UBR3: variants seen among roughly 807,000 people sequenced by gnomAD.
UBR3 encodes E3 ubiquitin-protein ligase UBR3.
In UBR3, 85 loss-of-function variants were observed where a neutral mutation model predicts 243.2. That is an observed-to-expected ratio of 0.35 (90% CI 0.29 to 0.42). The LOEUF is 0.42. Ranked by LOEUF, UBR3 falls within the 10% of genes least tolerant of loss-of-function variation. The pLI, the probability that UBR3 is intolerant of heterozygous loss-of-function variation, is 1.00. For missense variants in UBR3, 1,686 were observed against 2,300.8 expected (o/e 0.73, Z 5.47); for synonymous variants, 748 against 799.8 (o/e 0.94, Z 1.09).
chr2:169,922,112 A>C (rs2085723634), intron 11 of UBR3, among the ~76,000 whole-genome samples: 1 of 151,556 alleles, frequency 6.6e-6, no homozygotes, highest in Admixed American at 6.6e-5. Context: ...CATGGCAAAA[A>C]CCCTGTCTCT....
At chr2:169,867,478 G>T (rs1296774657) in intron 1 of UBR3, among the ~76,000 whole-genome samples, 2 of 151,996 alleles carry the variant, frequency 1.3e-5, no homozygotes, top group African/African-American at 2.4e-5. Context: ...GTAAATGGAG[G>T]TATAATAAAC....
intron 35 of UBR3, among the ~76,000 whole-genome samples, chr2:170,070,394 T>G (rs56165429): frequency 0.022 from 3,343 of 152,248 alleles, 116 homozygotes; most frequent in African/African-American, 0.076. Flanking sequence ...GCTAACATCA[T>G]GCTTAATAGT....
intron 5 of UBR3, among the ~76,000 whole-genome samples, chr2:169,890,581 G>GTGTGTGTGTGTA (rs1553504582): frequency 1.0e-5 from 1 of 96,528 alleles, no homozygotes; most frequent in Non-Finnish European, 1.9e-5. Context: ...ATATATATAT[G>GTGTGTGTGTGTA]TATATATATA....
intron 32 of UBR3, among the ~76,000 whole-genome samples, chr2:170,049,942 T>C (rs2091178049): frequency 6.6e-6 from 1 of 152,222 alleles, no homozygotes; most frequent in Non-Finnish European, 1.5e-5. Flanking sequence ...ATTTTAAAAT[T>C]CAAGAAAGCT....
Position 170,015,346 on chromosome 2 carries a change from C to G in UBR3, c.4433C>G (p.Ala1478Gly). 2 of 1,611,596 alleles carry G rather than the reference C, an allele frequency of 1.2e-6. No individual in the cohort carries two copies. The highest frequency in any genetic ancestry group is 1.7e-6 in the Non-Finnish European group (2 of 1,178,710). Reference sequence around the variant, plus strand: ...TTGTGTTCAGGTGGTGCAAGCACAGCTGGCAAAAGGTCTTGTTTAAGTAAG... The same window carrying G: ...TTGTGTTCAGGTGGTGCAAGCACAGGTGGCAAAAGGTCTTGTTTAAGTAAG... ...GNLCSGGAST[A>G]GKRSCLNQLF... The change falls in exon 30 of 39, where the codon GCT becomes GGT. Residue 1478 changes from alanine to glycine, a missense_variant. Transcript: ENST00000272793.
At chr2:170,036,573 C>G (rs1282021061) in intron 31 of UBR3, among the ~76,000 whole-genome samples, 4 of 151,818 alleles carry the variant, frequency 2.6e-5, no homozygotes. Context: ...AAAATGGGAT[C>G]CTAAAGTAAT....
At chr2:169,943,431 T>G (rs966557639) in intron 20 of UBR3, among the ~76,000 whole-genome samples, 3 of 151,890 alleles carry the variant, frequency 2.0e-5, no homozygotes, top group Non-Finnish European at 4.4e-5. Flanking sequence ...TGAAACCCTG[T>G]CTCTACTAAA....
chr2:170,041,516 CATTTT>C, intron 32 of UBR3, among the ~76,000 whole-genome samples: 1 of 152,230 alleles, frequency 6.6e-6, no homozygotes, highest in East Asian at 1.9e-4. Flanking sequence ...ATAGTCTCAT[CATTTT>C]AAGTTAGTGT....
rs1397672796 is a variant in UBR3 at position 169,947,548 on chromosome 2, G to A, written c.2917G>A (p.Val973Met). The A allele has an allele frequency of 1.3e-6, 2 of 1,482,858 alleles. No homozygotes were observed. The highest frequency in any genetic ancestry group is 1.8e-6 in the Non-Finnish European group (2 of 1,115,286). 91.9% of individuals were successfully genotyped at this position (1,482,858 alleles called of 1,614,324 possible). A position where few individuals can be genotyped will look rare whatever the true frequency, so the allele number is the denominator to read the frequency against. The stretch of plus-strand genomic sequence containing the variant: ...ATTTTTTTTTTTATTTTAGGCATCA[G>A]TGGGTGGACCAGAACGTTGTCATGA... Reference protein sequence around the residue: ...AEEESDEEASVGGPERCHDSW... With the variant: ...AEEESDEEASMGGPERCHDSW... Residue 973 changes from valine to methionine, a missense_variant, in exon 22 of 39, where the codon GTG becomes ATG. Physicochemically the swap from Val to Met is conservative, Grantham distance 21 (BLOSUM62 1). Coordinates refer to ENST00000272793, the MANE Select transcript of UBR3 (RefSeq NM_172070.4).
intron 1 of UBR3, among the ~76,000 whole-genome samples, chr2:169,841,651 C>T (rs544049811): frequency 2.6e-5 from 4 of 152,328 alleles, no homozygotes; most frequent in South Asian, 2.1e-4. Context: ...CTGCTGGCCC[C>T]GGGCAATGGG....
rs1574216525 is a variant in UBR3 at position 169,925,813 on chromosome 2, T to A, written c.2151+66T>A. 7.9e-6 allele frequency: 11 copies of A among 1,389,148 alleles called. No homozygotes were observed. In the East Asian group the frequency reaches 3.0e-4, roughly 38 times the overall value. 86.1% of individuals were successfully genotyped at this position (1,389,148 alleles called of 1,614,324 possible). ...TCATTTGTACCCAAGGGATTTTAATTTATAGAGGTGACTGCGTGATGACAT... is the reference window on the plus strand; with the variant it reads ...TCATTTGTACCCAAGGGATTTTAATATATAGAGGTGACTGCGTGATGACAT... On this transcript the variant is annotated intron_variant, in intron 14 of 38. Transcript: ENST00000272793.
chr2:169,851,859 A>G (rs1195042132), intron 1 of UBR3, among the ~76,000 whole-genome samples: 2 of 151,382 alleles, frequency 1.3e-5, no homozygotes, highest in Non-Finnish European at 1.5e-5. Context: ...AAAAAACAAC[A>G]GTTAAGTGAC....
chr2:169,925,514 C>T, intron 13 of UBR3, 105 bp from the exon 14 acceptor site: 2 of 1,041,422 alleles, frequency 1.9e-6, no homozygotes, highest in Non-Finnish European at 2.7e-6. Context: ...GAATATCGGG[C>T]TTATACTATG....
intron 6 of UBR3, among the ~76,000 whole-genome samples, chr2:169,892,212 G>T (rs1205220278): frequency 1.3e-5 from 2 of 152,132 alleles, no homozygotes; most frequent in Admixed American, 6.6e-5. Context: ...ACACATACAG[G>T]TATGTTCTCC....
chr2:169,980,255 T>G (rs2088656853), intron 24 of UBR3, among the ~76,000 whole-genome samples: 1 of 152,234 alleles, frequency 6.6e-6, no homozygotes, highest in African/African-American at 2.4e-5. Context: ...ATGATTCATG[T>G]GATAATAATG....
At chr2:169,900,806 A>G (rs544132629) in intron 8 of UBR3, among the ~76,000 whole-genome samples, 3 of 150,316 alleles carry the variant, frequency 2.0e-5, no homozygotes, top group Non-Finnish European at 3.0e-5. Flanking sequence ...TACCTACCTC[A>G]TTTTAATGTT....
chr2:169,947,502 A>T (rs1478940616), intron 21 of UBR3, 40 bp from the exon 22 acceptor site: 1 of 1,373,660 alleles, frequency 7.3e-7, no homozygotes, highest in Admixed American at 3.2e-5. Context: ...CTTGGACGTG[A>T]TGTGGCAAGA....
chr2:169,977,983 C>A (rs1238945419), intron 24 of UBR3, among the ~76,000 whole-genome samples: 4 of 152,070 alleles, frequency 2.6e-5, no homozygotes, highest in Non-Finnish European at 4.4e-5. Flanking sequence ...GCAGTTGAAT[C>A]TTAGTGTGCT....
At chr2:169,942,424 A>G in intron 19 of UBR3, 69 bp from the exon 20 acceptor site, 4 of 1,438,516 alleles carry the variant, frequency 2.8e-6, no homozygotes, top group Non-Finnish European at 3.7e-6. Flanking sequence ...TGGTGTCTAT[A>G]AATTACATTT....
Sources: gnomAD v4.1 joint callset for allele counts (sites outside exome capture counted in the v4.1 genomes callset) on GRCh38, gnomAD v4.1.1 for gene constraint, MANE v1.5 for transcripts, NCBI Gene and HGNC (gene_info 2026-07-23, HGNC 2026-07-21) for gene names.